DMXL2: variants seen among roughly 807,000 people sequenced by gnomAD.
The protein encoded by DMXL2 is Dmx like 2, also known as dmX-like protein 2.
DMXL2 carries 103 observed loss-of-function variants against 331.1 expected under a neutral mutation model. That is an observed-to-expected ratio of 0.31 (90% CI 0.27 to 0.37). The LOEUF (loss-of-function observed/expected upper bound fraction) is 0.37, where lower values mean the gene tolerates loss of function less well. DMXL2 is among the 10% of genes least tolerant of loss of function. The pLI is 1.00. For missense variants in DMXL2, 3,171 were observed against 3,642.9 expected (o/e 0.87, Z 3.33); for synonymous variants, 1,281 against 1,252.1 (o/e 1.02, Z -0.49).
At chr15:51,449,376 C>T (rs1340327708) in intron 43 of DMXL2, among the ~76,000 whole-genome samples, 183 bp from the exon 44 acceptor site, 1 of 152,152 alleles carries the variant, frequency 6.6e-6, no homozygotes, top group Non-Finnish European at 1.5e-5. Context: ...ATTTACTGTC[C>T]TCCTTCCATA....
intron 23 of DMXL2, among the ~76,000 whole-genome samples, chr15:51,484,191 C>T (rs1595966963): frequency 6.6e-6 from 1 of 152,114 alleles, no homozygotes; most frequent in Non-Finnish European, 1.5e-5. Flanking sequence ...GCTGAGTAGC[C>T]GTGAGGCCAC....
intron 42 of DMXL2, 155 bp from the exon 43 acceptor site, chr15:51,450,501 A>G: frequency 2.8e-6 from 2 of 723,458 alleles, no homozygotes; most frequent in Non-Finnish European, 2.3e-6. Context: ...CTGTAATCAC[A>G]TGATTAAAGA....
At chr15:51,575,096 C>A (rs187576882) in intron 2 of DMXL2, among the ~76,000 whole-genome samples, 1 of 152,034 alleles carries the variant, frequency 6.6e-6, no homozygotes, top group Non-Finnish European at 1.5e-5. Flanking sequence ...ACCAGGAAAT[C>A]GTGTTTCAAT....
chr15:51,514,508 C>T lies in DMXL2; in HGVS notation c.2578G>A (p.Gly860Arg). The change falls in exon 15 of 44, where the codon GGA (glycine) becomes AGA (arginine). Residue 860 changes from glycine (G) to arginine (R), a missense_variant. Transcript: ENST00000560891. Reference sequence around the variant, plus strand: ...ATATCTTCCTTATGTGGTTTATATCCTATAATGAAGTCTTCTTGAAACACA... The same window carrying T: ...ATATCTTCCTTATGTGGTTTATATCTTATAATGAAGTCTTCTTGAAACACA... ...LHVFQEDFIIGYKPHKEDMEK... is the reference protein window; with the variant it reads ...LHVFQEDFIIRYKPHKEDMEK... 2 of 1,596,638 alleles carry T rather than the reference C, an allele frequency of 1.3e-6. No homozygotes were observed. Among genetic ancestry groups the T allele is most frequent in the Non-Finnish European group, 1.7e-6 (2 of 1,172,244 alleles).
intron 1 of DMXL2, among the ~76,000 whole-genome samples, chr15:51,614,123 A>C (rs1445498204): frequency 6.6e-6 from 1 of 152,230 alleles, no homozygotes; most frequent in African/African-American, 2.4e-5. Flanking sequence ...TAAGAAGAGA[A>C]AAAGACACCG....
rs16964419 is a variant in DMXL2 at position 51,554,216 on chromosome 15, T to C, written c.568-6808A>G. 8.9e-3 allele frequency among the ~76,000 whole-genome samples: 1,356 copies of C among 152,324 alleles called. 22 individuals carry two copies. Among genetic ancestry groups the C allele is most frequent in the African/African-American group, 0.031 (1,279 of 41,568 alleles). On this transcript the variant is annotated intron_variant, in intron 6 of 43. Transcript: ENST00000560891. ...GCTGAACTGGTCCTATATTAAATCA[T>C]CCATAGGTTCACCTATTATGGATTT...
rs767545425 is a variant in DMXL2, at chr15:51,535,729, C to T, written c.2370G>A (p.Leu790=). The change falls in exon 13 of 44, where the codon CTG becomes CTA. Residue 790 remains leucine (L), a synonymous_variant. Transcript: ENST00000560891. The part of the protein sequence containing the change: ...ACFVASDGKN[L]RLYQAVVDAR... ...CATCCACTACAGCTTGATAGAGTCT[C>T]AGATTTTTGCCATCAGAAGCAACAA... 170 of 1,609,864 alleles carry T rather than the reference C, an allele frequency of 1.1e-4. 1 individual carries two copies. The highest frequency in any genetic ancestry group is 1.4e-4 in the Non-Finnish European group (166 of 1,178,004).
intron 1 of DMXL2, among the ~76,000 whole-genome samples, chr15:51,614,962 G>C (rs1298365542): frequency 6.6e-6 from 1 of 152,208 alleles, no homozygotes. Flanking sequence ...GGAAAAAAAT[G>C]ATGCTGTCTT....
chr15:51,451,337 G>T (rs2039117869), intron 42 of DMXL2, among the ~76,000 whole-genome samples: 1 of 152,128 alleles, frequency 6.6e-6, no homozygotes, highest in Admixed American at 6.5e-5. Context: ...TTTCTATTAA[G>T]CTCAATGAAT....
Position 51,456,363 on chromosome 15 carries a change from T to G in DMXL2, c.8344A>C (p.Lys2782Gln). 8 of 1,580,038 alleles carry G rather than the reference T, an allele frequency of 5.1e-6. No individual in the cohort carries two copies. Among genetic ancestry groups the G allele is most frequent in the Non-Finnish European group, 6.9e-6 (8 of 1,165,388 alleles). Reference protein sequence around the residue: ...QTSTGASVLMKRNLHNVKRMT... With the variant: ...QTSTGASVLMQRNLHNVKRMT... ...CTCTTAACATTATGTAGATTCCTTT[T>G]CATAAGCTTTAAAAGAAAATTTTAA... is the stretch of plus-strand genomic sequence containing the variant. The change falls in exon 38 of 44, where the codon AAA (lysine) becomes CAA (glutamine). Residue 2782 changes from lysine to glutamine, a missense_variant. Coordinates refer to ENST00000560891, the MANE Select transcript of DMXL2 (RefSeq NM_001378457.1).
intron 3 of DMXL2, 62 bp downstream of exon 3, chr15:51,568,425 C>T (rs756350935): frequency 8.7e-7 from 1 of 1,144,338 alleles, no homozygotes. Flanking sequence ...TTTTTATTAA[C>T]ATCAATTGGA....
chr15:51,449,990 A>G (rs2038991574), intron 43 of DMXL2, 139 bp downstream of exon 43: 3 of 724,836 alleles, frequency 4.1e-6, no homozygotes, highest in Non-Finnish European at 6.8e-6. Context: ...GGGAGGCGGC[A>G]GAGTGTTGAG....
chr15:51,559,830 C>A (rs2049841872), intron 6 of DMXL2, among the ~76,000 whole-genome samples: 1 of 152,182 alleles, frequency 6.6e-6, no homozygotes. Context: ...GCAACAGGAA[C>A]TATTGTATAC....
chr15:51,548,764 A>G (rs1804919324), intron 6 of DMXL2, among the ~76,000 whole-genome samples: 1 of 152,150 alleles, frequency 6.6e-6, no homozygotes, highest in African/African-American at 2.4e-5. Flanking sequence ...AGTAACAGAA[A>G]GTTATCTAGA....
chr15:51,534,798 A>T (rs1596159157), intron 13 of DMXL2, among the ~76,000 whole-genome samples: 1 of 152,188 alleles, frequency 6.6e-6, no homozygotes, highest in East Asian at 1.9e-4. Context: ...TATCTTTCTA[A>T]ATCTTATCCA....
intron 13 of DMXL2, among the ~76,000 whole-genome samples, chr15:51,520,065 T>C (rs2047270568): frequency 6.6e-6 from 1 of 152,232 alleles, no homozygotes; most frequent in Non-Finnish European, 1.5e-5. Context: ...TCCTATCCAG[T>C]CTCAGCTATT....
rs1186888295 is a variant in DMXL2, at chr15:51,449,140, A to G, written c.9021T>C (p.Ala3007=). The G allele has an allele frequency of 1.3e-5, 21 of 1,614,086 alleles. No individual in the cohort carries two copies. The highest frequency in any genetic ancestry group is 1.8e-5 in the Non-Finnish European group (21 of 1,180,024). The part of the protein sequence containing the change: ...GLIHSFKSEH[A]KQSIFRNIGA... The stretch of plus-strand genomic sequence containing the variant: ...CAATGTTTCGAAATATGGACTGCTT[A>G]GCATGTTCACTTTTAAATGAATGAA... Residue 3007 remains alanine, a synonymous_variant, in exon 44 of 44, where the codon GCT becomes GCC. Transcript: ENST00000560891.
chr15:51,537,836 C>T (rs1166697409), intron 10 of DMXL2, 77 bp from the exon 11 acceptor site: 3 of 1,406,024 alleles, frequency 2.1e-6, no homozygotes, highest in Non-Finnish European at 2.8e-6. Flanking sequence ...AAATGGCATA[C>T]TATCTTTAAA....
intron 33 of DMXL2, among the ~76,000 whole-genome samples, chr15:51,460,817 A>AT (rs779566389): frequency 6.6e-6 from 1 of 152,150 alleles, no homozygotes; most frequent in Non-Finnish European, 1.5e-5. Flanking sequence ...TTTATTCATA[A>AT]TTTTTTTCTT....
Sources: gnomAD v4.1 joint callset for allele counts (sites outside exome capture counted in the v4.1 genomes callset) on GRCh38, gnomAD v4.1.1 for gene constraint, MANE v1.5 for transcripts, NCBI Gene and HGNC (gene_info 2026-07-23, HGNC 2026-07-21) for gene names.